TMEM132D: variants seen among roughly 807,000 people sequenced by gnomAD.
The protein encoded by TMEM132D is mature OL transmembrane protein.
In TMEM132D, 21 loss-of-function variants were observed where a neutral mutation model predicts 62.3. The observed-to-expected ratio is 0.34, with a 90% CI of 0.24 to 0.49. TMEM132D has a LOEUF of 0.49. Ranked by LOEUF, TMEM132D falls within the 20% of genes least tolerant of loss-of-function variation. The pLI is 0.99. For synonymous variants in TMEM132D, 621 were observed against 575.6 expected (o/e 1.08, Z -1.13); for missense variants, 1,346 against 1,402.8 (o/e 0.96, Z 0.65).
At chr12:129,637,820 A>C (rs73157279) in intron 2 of TMEM132D, among the ~76,000 whole-genome samples, 1 of 151,932 alleles carries the variant, frequency 6.6e-6, no homozygotes, top group Non-Finnish European at 1.5e-5. Flanking sequence ...CAAGGAAGGC[A>C]GGGGGCGGAG....
chr12:129,582,694 C>G (rs1329787535), intron 2 of TMEM132D, among the ~76,000 whole-genome samples: 1 of 151,162 alleles, frequency 6.6e-6, no homozygotes, highest in Admixed American at 6.6e-5. Flanking sequence ...TCTCGGCTCA[C>G]TGCAACCTCC....
chr12:129,811,804 T>G (rs966987849), intron 1 of TMEM132D, among the ~76,000 whole-genome samples: 1 of 151,598 alleles, frequency 6.6e-6, no homozygotes, highest in Non-Finnish European at 1.5e-5. Flanking sequence ...TGTGGGTGAC[T>G]TTTAGGAGCA....
intron 2 of TMEM132D, among the ~76,000 whole-genome samples, chr12:129,545,349 T>C (rs968826854): frequency 1.6e-4 from 24 of 152,246 alleles, no homozygotes; most frequent in African/African-American, 5.1e-4. Flanking sequence ...TCCAGTTCTC[T>C]GCTAGCCCAC....
At chr12:129,673,010 A>G (rs1880536634) in intron 2 of TMEM132D, among the ~76,000 whole-genome samples, 1 of 152,178 alleles carries the variant, frequency 6.6e-6, no homozygotes, top group Non-Finnish European at 1.5e-5. Flanking sequence ...AGCCTCCCAA[A>G]GTGCTGGGAT....
intron 4 of TMEM132D, among the ~76,000 whole-genome samples, chr12:129,235,610 G>A (rs1879758552): frequency 6.6e-6 from 1 of 152,044 alleles, no homozygotes; most frequent in Non-Finnish European, 1.5e-5. Context: ...TCAGTTGATG[G>A]ACATTTAGTC....
At chr12:129,522,094 G>A (rs1875865530) in intron 3 of TMEM132D, among the ~76,000 whole-genome samples, 2 of 152,132 alleles carry the variant, frequency 1.3e-5, no homozygotes, top group Admixed American at 1.3e-4. Flanking sequence ...TGCCCGTATT[G>A]CCAGTTTCTC....
Position 129,903,504 on chromosome 12 carries a change from G to A in TMEM132D, c.-165C>T, listed in dbSNP as rs905930748. ...TGCTCCCTCTTCCCGCCAGTCCATGGCCAGGCCGGGAGGCGACGACCGCGC... is the reference window on the plus strand; with the variant it reads ...TGCTCCCTCTTCCCGCCAGTCCATGACCAGGCCGGGAGGCGACGACCGCGC... On this transcript the variant is annotated 5_prime_UTR_variant, in exon 1 of 9. Coordinates refer to ENST00000422113, the MANE Select transcript of TMEM132D (RefSeq NM_133448.3). This position sits in a 1 kb window ranked among gnomAD's most constrained non-coding sequence, Gnocchi z 6.2. The A allele has an allele frequency of 5.9e-6, 4 of 675,714 alleles. No individual in the cohort carries two copies. The highest frequency in any genetic ancestry group is 5.5e-5 in the African/African-American group (3 of 54,558). 41.9% of individuals were successfully genotyped at this position (675,714 alleles called of 1,614,324 possible).
chr12:129,418,845 C>G (rs1373649014), intron 3 of TMEM132D, among the ~76,000 whole-genome samples: 1 of 152,088 alleles, frequency 6.6e-6, no homozygotes, highest in Non-Finnish European at 1.5e-5. Context: ...TGTTCCTATA[C>G]GAAGGCCAGG....
chr12:129,107,869 T>TA (rs62879362), intron 5 of TMEM132D, among the ~76,000 whole-genome samples: 12 of 17,708 alleles, frequency 6.8e-4, no homozygotes, highest in Non-Finnish European at 1.1e-3. Flanking sequence ...TTTTTTTTTT[T>TA]ATTTGTAGAG....
intron 2 of TMEM132D, among the ~76,000 whole-genome samples, chr12:129,639,006 A>G (rs1314276134): frequency 6.6e-6 from 1 of 152,100 alleles, no homozygotes; most frequent in African/African-American, 2.4e-5. Flanking sequence ...TCAAGATAAT[A>G]AGGAAAAAGG....
intron 3 of TMEM132D, among the ~76,000 whole-genome samples, chr12:129,422,149 T>C (rs997369467): frequency 6.7e-6 from 1 of 149,058 alleles, no homozygotes; most frequent in East Asian, 2.0e-4. Context: ...CTGACACTAA[T>C]GTTAATATTT....
intron 1 of TMEM132D, among the ~76,000 whole-genome samples, chr12:129,872,234 C>A (rs899573934): frequency 6.6e-6 from 1 of 152,190 alleles, no homozygotes; most frequent in African/African-American, 2.4e-5. Context: ...TCTCCTAACA[C>A]CCAATCTCTT....
At chr12:129,337,506 T>C (rs11060257) in intron 4 of TMEM132D, 128 bp downstream of exon 4, 273,227 of 1,085,686 alleles carry the variant, frequency 0.25, 37,030 homozygotes, top group Non-Finnish European at 0.28. Context: ...AACTTTGTGG[T>C]TTCGTTTCTC....
At chr12:129,896,018 T>C (rs1875111743) in intron 1 of TMEM132D, among the ~76,000 whole-genome samples, 1 of 150,488 alleles carries the variant, frequency 6.6e-6, no homozygotes, top group Non-Finnish European at 1.5e-5. Context: ...TCACTCAGGT[T>C]AGAGTGTATT....
intron 2 of TMEM132D, among the ~76,000 whole-genome samples, chr12:129,691,449 G>C (rs868094894): frequency 8.6e-5 from 13 of 151,760 alleles, no homozygotes; most frequent in African/African-American, 2.9e-4. Context: ...GGCTAACAAG[G>C]AAAAAGGGAA....
At chr12:129,142,450 A>G (rs552889709) in intron 5 of TMEM132D, among the ~76,000 whole-genome samples, 1 of 152,314 alleles carries the variant, frequency 6.6e-6, no homozygotes, top group Non-Finnish European at 1.5e-5. Flanking sequence ...TATCCTTTAT[A>G]TCCTTTGATT....
intron 5 of TMEM132D, 153 bp from the exon 6 acceptor site, chr12:129,084,855 C>T (rs1874564975): frequency 1.6e-6 from 1 of 642,786 alleles, no homozygotes; most frequent in African/African-American, 1.9e-5. Flanking sequence ...ATGGAGCAGA[C>T]ATTGGGTGTT....
At chr12:129,365,108 G>A (rs527590026) in intron 3 of TMEM132D, among the ~76,000 whole-genome samples, 98 of 152,272 alleles carry the variant, frequency 6.4e-4, no homozygotes, top group African/African-American at 2.1e-3. Flanking sequence ...TGAGCTGATG[G>A]TGTTAGATTT....
intron 3 of TMEM132D, among the ~76,000 whole-genome samples, chr12:129,463,118 G>T (rs781447279): frequency 6.6e-6 from 1 of 152,178 alleles, no homozygotes; most frequent in African/African-American, 2.4e-5. Context: ...CTGGAGAAGA[G>T]CGCTGAACCT....
Sources: allele counts gnomAD v4.1 joint callset (sites outside exome capture counted in the v4.1 genomes callset), GRCh38; gene constraint gnomAD v4.1.1; non-coding constraint Gnocchi (gnomAD v3.1); transcripts MANE v1.5; gene names NCBI Gene and HGNC (gene_info 2026-07-23, HGNC 2026-07-21).